The following TAOK1 variants were observed in gnomAD, a reference collection of about 807,000 sequenced individuals.
The protein encoded by TAOK1 is TAO kinase 1.
In TAOK1, 21 loss-of-function variants were observed where a neutral mutation model predicts 138.3. The observed-to-expected ratio is 0.15, with a 90% CI of 0.11 to 0.22. TAOK1 has a LOEUF of 0.22. Ranked by LOEUF, TAOK1 falls within the 10% of genes least tolerant of loss-of-function variation. TAOK1 has a pLI of 1.00. For missense variants in TAOK1, 651 were observed against 1,227.7 expected, an observed-to-expected ratio of 0.53 and a Z score of 7.02; for synonymous variants, 361 against 398.4, an observed-to-expected ratio of 0.91 and a Z score of 1.12.
intron 1 of TAOK1, among the ~76,000 whole-genome samples, chr17:29,414,724 T>A (rs560692332): frequency 9.2e-4 from 138 of 150,226 alleles, no homozygotes; most frequent in African/African-American, 2.9e-3. Context: ...GCCCAGCTAT[T>A]ATTTTTGTAT....
Position 29,475,680 on chromosome 17 carries a change from ATAT to A in TAOK1, c.221_223del (p.Ile74del). The A allele has an allele frequency of 6.2e-7, 1 of 1,608,680 alleles. No homozygotes were observed. Among genetic ancestry groups the A allele is most frequent in the Non-Finnish European group, 8.5e-7 (1 of 1,176,732 alleles). ...TTTTTCTCCCCACAGAAATGGCAGG[ATAT>A]TATTAAGGAAGTCAAGTTTCTACAA... is the stretch of plus-strand genomic sequence containing the variant. On this transcript the variant is annotated inframe_deletion, in exon 4 of 20. Transcript: ENST00000261716.
At chr17:29,523,756 A>C (rs185644333) in intron 17 of TAOK1, among the ~76,000 whole-genome samples, 25 of 152,282 alleles carry the variant, frequency 1.6e-4, no homozygotes, top group Admixed American at 1.4e-3. Flanking sequence ...TGCTCTGTAC[A>C]TATCTGTACA....
At chr17:29,396,723 C>A (rs1567706304) in intron 1 of TAOK1, among the ~76,000 whole-genome samples, 1 of 152,132 alleles carries the variant, frequency 6.6e-6, no homozygotes, top group African/African-American at 2.4e-5. Context: ...GTTGGCTGGG[C>A]GTGGTGGCTC....
chr17:29,401,669 T>C lies in TAOK1; in HGVS notation c.-95+10645T>C, dbSNP rs935087485. Among the ~76,000 whole-genome samples the C allele has an allele frequency of 2.6e-5, 4 of 152,240 alleles. No individual in the cohort carries two copies. In the East Asian group the frequency reaches 7.7e-4, roughly 29 times the overall value. Reference sequence around the variant, plus strand: ...TCACTTTCTTTTTCTTCTCTTTTTTTTTTTGAGACAGGGTTTTACTCTGTT... The same window carrying C: ...TCACTTTCTTTTTCTTCTCTTTTTTCTTTTGAGACAGGGTTTTACTCTGTT... On this transcript the variant is annotated intron_variant, in intron 1 of 19. Coordinates refer to ENST00000261716, the MANE Select transcript of TAOK1 (RefSeq NM_020791.4).
At chr17:29,460,589 C>T (rs1241467051) in intron 2 of TAOK1, among the ~76,000 whole-genome samples, 1 of 152,192 alleles carries the variant, frequency 6.6e-6, no homozygotes. Flanking sequence ...GAAAGATAAT[C>T]AAGGGCTCTT....
chr17:29,526,070 G>C (rs1007456861), intron 17 of TAOK1, among the ~76,000 whole-genome samples: 1 of 152,114 alleles, frequency 6.6e-6, no homozygotes, highest in Non-Finnish European at 1.5e-5. Context: ...GAGGTCGGGA[G>C]TTCGAGACCA....
intron 2 of TAOK1, among the ~76,000 whole-genome samples, chr17:29,460,230 CACCCAG>C (rs1282604993): frequency 2.0e-5 from 3 of 152,226 alleles, no homozygotes; most frequent in Non-Finnish European, 4.4e-5. Context: ...CTCGCTCTGT[CACCCAG>C]ACTAGAGTGC....
In TAOK1 at chr17:29,458,034, C is replaced by T. The variant is rs547359335; in HGVS notation, c.132+6354C>T. Among the ~76,000 whole-genome samples, 237 of 151,756 alleles carry T rather than the reference C, an allele frequency of 1.6e-3. 1 individual carries two copies. Among genetic ancestry groups the T allele is most frequent in the African/African-American group, 5.2e-3 (215 of 41,376 alleles). On this transcript the variant is annotated intron_variant, in intron 2 of 19. Transcript: ENST00000261716. ...CTAAGGCAGGAGAACGGCGTGAACC[C>T]GGGAGGTGGAGCTTGCAGTGAGCCG...
chr17:29,542,753 A>G lies in TAOK1; in HGVS notation c.2737A>G (p.Asn913Asp). 1 of 1,614,196 alleles carries G rather than the reference A, an allele frequency of 6.2e-7. No individual in the cohort carries two copies. Among genetic ancestry groups the G allele is most frequent in the South Asian group, 1.1e-5 (1 of 91,084 alleles). Residue 913 changes from asparagine (N) to aspartate (D), a missense_variant, in exon 20 of 20, where the codon AAC (asparagine) becomes GAC (aspartate). Transcript: ENST00000261716. ...SYPGASGWSH[N>D]PTGGPGPHWG... ...CCCGGGAGCTTCTGGTTGGTCACAC[A>G]ACCCTACTGGGGGTCCAGGACCTCA... is the stretch of plus-strand genomic sequence containing the variant.
At chr17:29,409,918 G>T (rs190762837) in intron 1 of TAOK1, among the ~76,000 whole-genome samples, 2 of 152,280 alleles carry the variant, frequency 1.3e-5, no homozygotes, top group Non-Finnish European at 2.9e-5. Context: ...TTAAAGTCAG[G>T]TGGGGATGCT....
chr17:29,516,499 T>C (rs2031817283), intron 15 of TAOK1, among the ~76,000 whole-genome samples: 1 of 120,006 alleles, frequency 8.3e-6, no homozygotes, highest in South Asian at 2.7e-4. Flanking sequence ...CACACCTGGC[T>C]AATTTTTTTT....
At position 29,543,090 on chromosome 17, in the gene TAOK1, ACAG is replaced by A; in HGVS notation, c.*73_*75del. 1 of 1,355,364 alleles carries A rather than the reference ACAG, an allele frequency of 7.4e-7. No individual in the cohort carries two copies. Among genetic ancestry groups the A allele is most frequent in the Non-Finnish European group, 1.0e-6 (1 of 1,002,094 alleles). 84.0% of individuals were successfully genotyped at this position (1,355,364 alleles called of 1,614,324 possible). On this transcript the variant is annotated 3_prime_UTR_variant, in exon 20 of 20. Coordinates refer to ENST00000261716, the MANE Select transcript of TAOK1 (RefSeq NM_020791.4). Reference sequence around the variant, plus strand: ...AAAGAAACTGCCTACAGACATCATCACAGCAGCCTCCTCACTTGGGTACTACAG... The same window carrying A: ...AAAGAAACTGCCTACAGACATCATCACAGCCTCCTCACTTGGGTACTACAG...
chr17:29,532,981 A>G (rs1171601750), intron 18 of TAOK1, among the ~76,000 whole-genome samples: 48 of 32,142 alleles, frequency 1.5e-3, no homozygotes, highest in South Asian at 2.6e-3. Context: ...GTGGCCGGGC[A>G]GGGGGCTGAC....
In TAOK1 at chr17:29,534,096, TCTC is replaced by T; in HGVS notation, c.2362-21_2362-19del. 9 of 775,416 alleles carry T rather than the reference TCTC, an allele frequency of 1.2e-5. No individual in the cohort carries two copies. The highest frequency in any genetic ancestry group is 1.1e-4 in the South Asian group (3 of 27,680). 48.0% of individuals were successfully genotyped at this position (775,416 alleles called of 1,614,324 possible). A position where few individuals can be genotyped will look rare whatever the true frequency, so the allele number is the denominator to read the frequency against. ...AACATTAGGATATATCTTTTTTTTT[TCTC>T]TCTCTCTCTCTGTCTCAGCTGCGTT... On this transcript the variant is annotated intron_variant, in intron 18 of 19. Coordinates refer to ENST00000261716, the MANE Select transcript of TAOK1 (RefSeq NM_020791.4).
chr17:29,465,837 C>CTTTGTTTTTTTTTTTTTTTTT (rs2030650860), intron 2 of TAOK1, among the ~76,000 whole-genome samples: 1 of 45,434 alleles, frequency 2.2e-5, no homozygotes, highest in African/African-American at 1.1e-4. Context: ...AGTTTCTGTG[C>CTTTGTTTTTTTTTTTTTTTTT]TTTTTTTTTT....
chr17:29,426,113 C>T (rs1360864969), intron 1 of TAOK1, among the ~76,000 whole-genome samples: 1 of 152,152 alleles, frequency 6.6e-6, no homozygotes, highest in East Asian at 1.9e-4. Flanking sequence ...ATCTCCTGAC[C>T]TCGTGATCCA....
intron 1 of TAOK1, among the ~76,000 whole-genome samples, chr17:29,449,515 A>G (rs2030179682): frequency 1.3e-5 from 2 of 152,204 alleles, no homozygotes; most frequent in African/African-American, 4.8e-5. Flanking sequence ...CTTGACAAGA[A>G]TTGGATGGAG....
At chr17:29,520,553 A>G (rs2031895331) in intron 16 of TAOK1, among the ~76,000 whole-genome samples, 1 of 151,618 alleles carries the variant, frequency 6.6e-6, no homozygotes, top group Non-Finnish European at 1.5e-5. Flanking sequence ...ACCTGGGACT[A>G]CAGACATGCA....
chr17:29,393,357 A>C (rs983226039), intron 1 of TAOK1, among the ~76,000 whole-genome samples: 1 of 151,930 alleles, frequency 6.6e-6, no homozygotes, highest in African/African-American at 2.4e-5. Context: ...ATATTTCAGC[A>C]TGCTATAACT....
Sources: gnomAD v4.1 joint callset for allele counts (sites outside exome capture counted in the v4.1 genomes callset) on GRCh38, gnomAD v4.1.1 for gene constraint, MANE v1.5 for transcripts, NCBI Gene and HGNC (gene_info 2026-07-23, HGNC 2026-07-21) for gene names.